The following CNTNAP2 variants were observed in gnomAD, a reference collection of about 807,000 sequenced individuals.
CNTNAP2 encodes the protein contactin associated protein 2, also known as contactin-associated protein-like 2.
CNTNAP2 carries 98 observed loss-of-function variants against 155.2 expected under a neutral mutation model. The observed-to-expected ratio is 0.63, with a 90% CI of 0.54 to 0.75. The LOEUF is 0.75. Among genes scored for constraint, CNTNAP2 ranks in the 30% least tolerant of loss-of-function variants. CNTNAP2 has a pLI of 0.00. For synonymous variants in CNTNAP2, 651 were observed against 631.2 expected (o/e 1.03, Z -0.47); for missense variants, 1,727 against 1,688.1 (o/e 1.02, Z -0.40).
At chr7:146,494,852 A>G (rs1797190849) in intron 1 of CNTNAP2, among the ~76,000 whole-genome samples, 1 of 152,222 alleles carries the variant, frequency 6.6e-6, no homozygotes, top group African/African-American at 2.4e-5. Context: ...AAATAATTCG[A>G]TGAGCTAGCT....
intron 2 of CNTNAP2, among the ~76,000 whole-genome samples, chr7:146,829,016 G>A (rs537559911): frequency 6.6e-6 from 1 of 151,856 alleles, no homozygotes; most frequent in Non-Finnish European, 1.5e-5. Flanking sequence ...TTAGCTTTTG[G>A]GTCTGGCTTT....
chr7:147,265,493 A>T lies in CNTNAP2; in HGVS notation c.1349-34648A>T, dbSNP rs576609600. Among the ~76,000 whole-genome samples, 9 of 152,208 alleles carry T rather than the reference A, an allele frequency of 5.9e-5. No individual in the cohort carries two copies. In the East Asian group the frequency reaches 1.7e-3, roughly 30 times the overall value. ...AGCAACTCCAGCCAGGGGCTTAGGG[A>T]CCAAACTCTGATCTTCCTGGGCCTG... is the stretch of plus-strand genomic sequence containing the variant. On this transcript the variant is annotated intron_variant, in intron 8 of 23. Transcript: ENST00000361727.
At chr7:146,506,441 C>T (rs575980072) in intron 1 of CNTNAP2, among the ~76,000 whole-genome samples, 7 of 152,332 alleles carry the variant, frequency 4.6e-5, no homozygotes, top group Non-Finnish European at 1.0e-4. Context: ...TTACTCCCGA[C>T]GTGGCCCAAT....
intron 8 of CNTNAP2, among the ~76,000 whole-genome samples, chr7:147,299,165 G>T (rs1794894084): frequency 6.6e-6 from 1 of 151,878 alleles, no homozygotes; most frequent in Non-Finnish European, 1.5e-5. Flanking sequence ...GCCTTCACAG[G>T]GTCGAAGAAA....
chr7:147,741,172 C>A (rs942209454), intron 13 of CNTNAP2, among the ~76,000 whole-genome samples: 32 of 152,126 alleles, frequency 2.1e-4, no homozygotes, highest in African/African-American at 7.5e-4. Context: ...AGATTTGGGT[C>A]ATTACAGCAC....
chr7:146,541,126 C>T lies in CNTNAP2; in HGVS notation c.98-233145C>T, dbSNP rs200034956. 3.1e-4 allele frequency among the ~76,000 whole-genome samples: 47 copies of T among 152,136 alleles called. 2 individuals carry two copies. In the East Asian group the frequency reaches 8.9e-3, roughly 29 times the overall value. On this transcript the variant is annotated intron_variant, in intron 1 of 23. Coordinates refer to ENST00000361727, the MANE Select transcript of CNTNAP2 (RefSeq NM_014141.6). ...GTCACCTCTGCCTCCACCTGCTTTT[C>T]TTCTTCCTCCTTGTACTTCAGAGCT...
At chr7:146,590,068 A>G (rs1282614106) in intron 1 of CNTNAP2, among the ~76,000 whole-genome samples, 1 of 152,194 alleles carries the variant, frequency 6.6e-6, no homozygotes, top group African/African-American at 2.4e-5. Context: ...AAAGAAGAAC[A>G]GGTTCATATT....
In CNTNAP2 at chr7:147,546,137, A is replaced by C. The variant is rs1296735387; in HGVS notation, c.1778-16001A>C. Reference sequence around the variant, plus strand: ...ACAGACTAATCAAATCACATTTGCTAATGTCTCTTTAATCAAAACAAGCCA... The same window carrying C: ...ACAGACTAATCAAATCACATTTGCTCATGTCTCTTTAATCAAAACAAGCCA... On this transcript the variant is annotated intron_variant, in intron 11 of 23. Transcript: ENST00000361727. Among the ~76,000 whole-genome samples the C allele has an allele frequency of 2.0e-5, 3 of 152,166 alleles. No homozygotes were observed. The East Asian group carries it at 5.8e-4, about 29-fold the overall frequency.
intron 1 of CNTNAP2, among the ~76,000 whole-genome samples, chr7:146,377,031 T>A (rs1795313459): frequency 6.6e-6 from 1 of 152,172 alleles, no homozygotes; most frequent in South Asian, 2.1e-4. Context: ...ATTTCCATTC[T>A]TATATAAAAT....
intron 15 of CNTNAP2, among the ~76,000 whole-genome samples, chr7:147,986,814 A>T (rs1290461501): frequency 6.6e-6 from 1 of 152,050 alleles, no homozygotes; most frequent in Admixed American, 6.6e-5. Context: ...CTACAGCCAC[A>T]GAAGTGAGGG....
intron 8 of CNTNAP2, among the ~76,000 whole-genome samples, chr7:147,231,099 A>G (rs1314936736): frequency 3.9e-5 from 6 of 152,198 alleles, no homozygotes; most frequent in African/African-American, 1.4e-4. Context: ...CACTTTTAAA[A>G]CATCAGCTCT....
intron 16 of CNTNAP2, among the ~76,000 whole-genome samples, chr7:148,129,347 G>T (rs756533608): frequency 1.3e-5 from 2 of 152,074 alleles, no homozygotes; most frequent in Non-Finnish European, 2.9e-5. Context: ...TGCGATGCTC[G>T]AAAATAACCT....
intron 1 of CNTNAP2, among the ~76,000 whole-genome samples, chr7:146,577,202 G>A (rs1371999151): frequency 6.6e-6 from 1 of 152,022 alleles, no homozygotes; most frequent in Non-Finnish European, 1.5e-5. Context: ...AGTTAATAAA[G>A]ATAAAAACAA....
intron 1 of CNTNAP2, among the ~76,000 whole-genome samples, chr7:146,130,187 C>A (rs781368822): frequency 2.0e-5 from 3 of 152,164 alleles, no homozygotes; most frequent in Non-Finnish European, 4.4e-5. Context: ...TCGGGCCGGG[C>A]GTGGTGGCTC....
At chr7:148,368,109 T>G (rs1798818757) in intron 21 of CNTNAP2, among the ~76,000 whole-genome samples, 1 of 152,238 alleles carries the variant, frequency 6.6e-6, no homozygotes, top group African/African-American at 2.4e-5. Context: ...CCTTTAGGTG[T>G]CTAAGAGACG....
rs1554447654 is a variant in CNTNAP2, at chr7:147,902,794, G to GTGTGTA, written c.2099-766_2099-765insATGTGT. Among the ~76,000 whole-genome samples the GTGTGTA allele has an allele frequency of 3.3e-4, 45 of 137,142 alleles. 1 individual carries two copies. The highest frequency in any genetic ancestry group is 1.2e-3 in the African/African-American group (43 of 37,358). 90.0% of individuals were successfully genotyped at this position (137,142 alleles called of 152,430 possible). Reference sequence around the variant, plus strand: ...CATATATGTTTGTGTGTGTGTGTGTGTGTGTGTGTGTGTGTGTGTATGTGT... The same window carrying GTGTGTA: ...CATATATGTTTGTGTGTGTGTGTGTGTGTGTATGTGTGTGTGTGTGTGTGTATGTGT... On this transcript the variant is annotated intron_variant, in intron 13 of 23. Coordinates refer to ENST00000361727, the MANE Select transcript of CNTNAP2 (RefSeq NM_014141.6).
intron 3 of CNTNAP2, among the ~76,000 whole-genome samples, chr7:146,861,253 A>G (rs185128458): frequency 1.3e-5 from 2 of 152,146 alleles, no homozygotes; most frequent in East Asian, 1.9e-4. Context: ...GAGTTTCACC[A>G]TGTTGTCCAG....
At position 147,807,394 on chromosome 7, in the gene CNTNAP2, G is replaced by A. The variant is rs539231104; in HGVS notation, c.2099-96171G>A. Among the ~76,000 whole-genome samples, 9 of 150,190 alleles carry A rather than the reference G, an allele frequency of 6.0e-5. No homozygotes were observed. In the South Asian group the frequency reaches 1.5e-3, roughly 25 times the overall value. On this transcript the variant is annotated intron_variant, in intron 13 of 23. Transcript: ENST00000361727. ...GGAAATGATATATGTTTAAGAACAT[G>A]GAGATCCCCATTAACCTGATTTTTA...
intron 18 of CNTNAP2, among the ~76,000 whole-genome samples, chr7:148,198,650 A>G (rs1795316111): frequency 6.6e-6 from 1 of 152,216 alleles, no homozygotes; most frequent in African/African-American, 2.4e-5. Context: ...CCATCTTTTC[A>G]GATGTGCCCT....
Sources: allele counts gnomAD v4.1 joint callset (sites outside exome capture counted in the v4.1 genomes callset), GRCh38; gene constraint gnomAD v4.1.1; transcripts MANE v1.5; gene names NCBI Gene and HGNC (gene_info 2026-07-23, HGNC 2026-07-21).